APBA2: variants seen among roughly 807,000 people sequenced by gnomAD.
APBA2 encodes the protein amyloid beta precursor protein binding family A member 2, also known as amyloid-beta A4 precursor protein-binding family A member 2.
A neutral mutation model predicts 75.0 loss-of-function variants in APBA2; 30 were observed. That is an observed-to-expected ratio of 0.40 (90% CI 0.30 to 0.54). The LOEUF (loss-of-function observed/expected upper bound fraction) is 0.54, where lower values mean the gene tolerates loss of function less well. Ranked by LOEUF, APBA2 falls within the 20% of genes least tolerant of loss-of-function variation. The probability of loss-of-function intolerance (pLI) is 0.49; values close to 1 mark genes in which losing one functional copy is unlikely to be tolerated. For missense variants in APBA2, 801 were observed against 1,016.1 expected (o/e 0.79, Z 2.88); for synonymous variants, 444 against 409.6 (o/e 1.08, Z -1.01).
At chr15:29,072,395 C>T (rs2042663583) in intron 4 of APBA2, among the ~76,000 whole-genome samples, 2 of 152,132 alleles carry the variant, frequency 1.3e-5, no homozygotes, top group African/African-American at 2.4e-5. Flanking sequence ...GGGGGATGTC[C>T]CAAATAAGGT....
chr15:28,950,568 A>G (rs2035806390), intron 2 of APBA2, among the ~76,000 whole-genome samples: 2 of 151,560 alleles, frequency 1.3e-5, no homozygotes, highest in African/African-American at 4.9e-5. Flanking sequence ...CAGAGCTTGC[A>G]GTGAGCTGAG....
At chr15:29,111,252 G>C (rs976875189) in intron 13 of APBA2, among the ~76,000 whole-genome samples, 1 of 152,110 alleles carries the variant, frequency 6.6e-6, no homozygotes, top group Non-Finnish European at 1.5e-5. Context: ...CACGACTGGG[G>C]ACGAGGAGGG....
At chr15:29,043,834 G>A (rs552789856) in intron 3 of APBA2, among the ~76,000 whole-genome samples, 6 of 152,306 alleles carry the variant, frequency 3.9e-5, no homozygotes, top group Middle Eastern at 3.4e-3. Context: ...TTGGATATCA[G>A]TATTGTTTTT....
intron 4 of APBA2, among the ~76,000 whole-genome samples, chr15:29,059,670 C>A (rs943446302): frequency 6.6e-6 from 1 of 152,138 alleles, no homozygotes; most frequent in Non-Finnish European, 1.5e-5. Flanking sequence ...TGTGTTGATT[C>A]ATTGACAAAA....
In APBA2 at chr15:29,051,668, G is replaced by C. The variant is rs533176723; in HGVS notation, c.-40-2177G>C. On this transcript the variant is annotated intron_variant, in intron 3 of 14. Coordinates refer to ENST00000683413, the MANE Select transcript of APBA2 (RefSeq NM_001353788.2). The stretch of plus-strand genomic sequence containing the variant: ...TCTGGTACACTCAGTCTCATAACAA[G>C]ATGTGTTTTGGGCACCACTACAAAC... Among the ~76,000 whole-genome samples the C allele has an allele frequency of 9.2e-5, 14 of 152,282 alleles. No individual in the cohort carries two copies. The South Asian group carries it at 2.9e-3, about 32-fold the overall frequency.
At chr15:29,111,284 T>G (rs561224196) in intron 13 of APBA2, among the ~76,000 whole-genome samples, 1 of 151,986 alleles carries the variant, frequency 6.6e-6, no homozygotes, top group Admixed American at 6.6e-5. Context: ...CAGCCCTGCT[T>G]GTGGATGCGC....
chr15:28,992,131 T>C (rs1227264170), intron 2 of APBA2, among the ~76,000 whole-genome samples: 1 of 152,104 alleles, frequency 6.6e-6, no homozygotes, highest in African/African-American at 2.4e-5. Context: ...CCAGGGCTGG[T>C]GTCCCCTGCT....
chr15:29,113,375 T>A (rs2044852081), intron 13 of APBA2, among the ~76,000 whole-genome samples: 1 of 151,932 alleles, frequency 6.6e-6, no homozygotes, highest in Non-Finnish European at 1.5e-5. Context: ...AGGAATAAAG[T>A]GACTCTTCCC....
intron 4 of APBA2, among the ~76,000 whole-genome samples, chr15:29,072,298 G>T (rs1029701180): frequency 9.2e-5 from 14 of 152,196 alleles, no homozygotes; most frequent in African/African-American, 3.4e-4. Flanking sequence ...AGGGCACTGT[G>T]TTGGGGAACT....
Position 28,950,356 on chromosome 15 carries a change from C to T in APBA2, c.-95+28607C>T, listed in dbSNP as rs555873192. Among the ~76,000 whole-genome samples the T allele has an allele frequency of 3.9e-5, 6 of 151,906 alleles. No individual in the cohort carries two copies. In the South Asian group the frequency reaches 8.3e-4, roughly 21 times the overall value. On this transcript the variant is annotated intron_variant, in intron 2 of 14. Transcript: ENST00000683413. ...AGATTACCCCACCTTCAGCGGGGTGCGGTGGCTCATGCCTGTAATCCCAGC... is the reference window on the plus strand; with the variant it reads ...AGATTACCCCACCTTCAGCGGGGTGTGGTGGCTCATGCCTGTAATCCCAGC...
chr15:28,917,775 C>T (rs1326046012), intron 1 of APBA2, among the ~76,000 whole-genome samples: 1 of 152,104 alleles, frequency 6.6e-6, no homozygotes, highest in Non-Finnish European at 1.5e-5. Flanking sequence ...TTTAGTAGAT[C>T]GTTAGTTGCT....
intron 6 of APBA2, among the ~76,000 whole-genome samples, chr15:29,081,440 T>C (rs983392309): frequency 1.3e-5 from 2 of 152,238 alleles, no homozygotes; most frequent in African/African-American, 4.8e-5. Context: ...TCTGAACTTT[T>C]ATTCACTAAG....
intron 10 of APBA2, among the ~76,000 whole-genome samples, chr15:29,103,545 C>T (rs2044237992): frequency 6.6e-6 from 1 of 152,226 alleles, no homozygotes; most frequent in Admixed American, 6.5e-5. Flanking sequence ...CGTGGAGTGA[C>T]GGGGAGGCGG....
At chr15:29,095,915 A>G (rs963964547) in intron 8 of APBA2, among the ~76,000 whole-genome samples, 1 of 152,188 alleles carries the variant, frequency 6.6e-6, no homozygotes, top group African/African-American at 2.4e-5. Context: ...GCAGCCTCCT[A>G]GTCCAGCTGG....
At chr15:29,022,744 TTTA>T (rs1428891991) in intron 3 of APBA2, among the ~76,000 whole-genome samples, 1 of 152,196 alleles carries the variant, frequency 6.6e-6, no homozygotes, top group Non-Finnish European at 1.5e-5. Context: ...CCATCTGAAT[TTTA>T]TTATTCTCAT....
At chr15:29,104,275 A>G (rs542998203) in intron 10 of APBA2, among the ~76,000 whole-genome samples, 155 of 152,330 alleles carry the variant, frequency 1.0e-3, no homozygotes, top group African/African-American at 3.4e-3. Flanking sequence ...CGTGAGGAGC[A>G]GGACAGCGCA....
chr15:29,060,443 T>C (rs2042083150), intron 4 of APBA2, among the ~76,000 whole-genome samples: 1 of 152,144 alleles, frequency 6.6e-6, no homozygotes, highest in African/African-American at 2.4e-5. Context: ...AGAGAAAGCG[T>C]CCAGTTCTGT....
At chr15:28,937,297 G>A (rs1036238401) in intron 2 of APBA2, among the ~76,000 whole-genome samples, 1 of 152,172 alleles carries the variant, frequency 6.6e-6, no homozygotes, top group African/African-American at 2.4e-5. Context: ...AGATGGTGCT[G>A]GGGAGGAAGG....
intron 2 of APBA2, chr15:28,976,949 A>G (rs2037369345): frequency 6.6e-6 from 1 of 152,174 alleles, no homozygotes; most frequent in African/African-American, 2.4e-5. Flanking sequence ...GTTCCAGTGC[A>G]TTACTAGTGG....
Sources: gnomAD v4.1 joint callset for allele counts (sites outside exome capture counted in the v4.1 genomes callset) on GRCh38, gnomAD v4.1.1 for gene constraint, MANE v1.5 for transcripts, NCBI Gene and HGNC (gene_info 2026-07-23, HGNC 2026-07-21) for gene names.